PTPRC: variants seen among roughly 807,000 people sequenced by gnomAD.
PTPRC encodes the protein protein tyrosine phosphatase receptor type C.
A neutral mutation model predicts 155.9 loss-of-function variants in PTPRC; 44 were observed. The ratio of observed to expected loss-of-function variants is 0.28; its 90% CI spans 0.22 to 0.36. PTPRC has a LOEUF of 0.36. PTPRC is among the 10% of genes least tolerant of loss of function. PTPRC has a pLI of 1.00. For synonymous variants in PTPRC, 525 were observed against 533.1 expected, an observed-to-expected ratio of 0.98 and a Z score of 0.21; for missense variants, 1,401 against 1,564.6, an observed-to-expected ratio of 0.90 and a Z score of 1.76.
At chr1:198,722,150 T>G (rs959911871) in intron 14 of PTPRC, among the ~76,000 whole-genome samples, 8 of 150,794 alleles carry the variant, frequency 5.3e-5, no homozygotes, top group Non-Finnish European at 1.2e-4. Context: ...CCAGTTTCAT[T>G]ATTTTAAATA....
intron 4 of PTPRC, among the ~76,000 whole-genome samples, 171 bp from the exon 5 acceptor site, chr1:198,699,393 C>G (rs895166867): frequency 6.6e-6 from 1 of 152,230 alleles, no homozygotes; most frequent in South Asian, 2.1e-4. Context: ...ACTCAGGTGC[C>G]TGTCACTTTC....
At chr1:198,747,670 T>A (rs1212542294) in intron 26 of PTPRC, among the ~76,000 whole-genome samples, 3 of 151,850 alleles carry the variant, frequency 2.0e-5, no homozygotes, top group Admixed American at 2.0e-4. Flanking sequence ...AGGAAAGCAA[T>A]CTGGAAGGTG....
intron 23 of PTPRC, among the ~76,000 whole-genome samples, chr1:198,739,150 AAAAG>A (rs1459711653): frequency 6.6e-6 from 1 of 151,764 alleles, no homozygotes; most frequent in African/African-American, 2.4e-5. Flanking sequence ...AGACAGGAAG[AAAAG>A]AAAGAAGGAA....
intron 18 of PTPRC, among the ~76,000 whole-genome samples, chr1:198,732,002 T>C (rs1454412658): frequency 6.6e-6 from 1 of 152,020 alleles, no homozygotes; most frequent in African/African-American, 2.4e-5. Context: ...AGTTGTACTC[T>C]AGATACTCAT....
chr1:198,648,462 A>C (rs1316017020), intron 2 of PTPRC, among the ~76,000 whole-genome samples: 1 of 151,748 alleles, frequency 6.6e-6, no homozygotes, highest in Admixed American at 6.6e-5. Flanking sequence ...TCGGTTACTC[A>C]ATCTTCTTAG....
At chr1:198,706,697 C>A in intron 8 of PTPRC, 37 bp from the exon 9 acceptor site, 1 of 1,579,832 alleles carries the variant, frequency 6.3e-7, no homozygotes, top group Non-Finnish European at 8.7e-7. Context: ...TTTATTTATT[C>A]TGGAAAAATA....
Position 198,729,185 on chromosome 1 carries a change from T to C in PTPRC, c.1864+14T>C. ...TTGTTGAAAGGGGTAAGTATGTATATTTTTGCTGATGACTATTCCTTCCCC... is the reference window on the plus strand; with the variant it reads ...TTGTTGAAAGGGGTAAGTATGTATACTTTTGCTGATGACTATTCCTTCCCC... On this transcript the variant is annotated intron_variant, in intron 17 of 32. Coordinates refer to ENST00000442510, the MANE Select transcript of PTPRC (RefSeq NM_002838.5). 6.2e-7 allele frequency: 1 copy of C among 1,603,420 alleles called. No individual in the cohort carries two copies. The highest frequency in any genetic ancestry group is 8.5e-7 in the Non-Finnish European group (1 of 1,174,212).
chr1:198,668,546 T>C (rs1314593852), intron 2 of PTPRC, among the ~76,000 whole-genome samples: 1 of 152,196 alleles, frequency 6.6e-6, no homozygotes, highest in Non-Finnish European at 1.5e-5. Context: ...CATAACACTA[T>C]AAGGAATTAA....
chr1:198,720,196 G>C (rs1297771183), intron 14 of PTPRC, among the ~76,000 whole-genome samples: 1 of 152,146 alleles, frequency 6.6e-6, no homozygotes, highest in African/African-American at 2.4e-5. Flanking sequence ...AGATCATTCA[G>C]TGAGTAGAGA....
At chr1:198,654,474 A>G (rs1337738310) in intron 2 of PTPRC, among the ~76,000 whole-genome samples, 1 of 151,850 alleles carries the variant, frequency 6.6e-6, no homozygotes, top group South Asian at 2.1e-4. Context: ...TACACAGATT[A>G]CAAGTACTAG....
intron 14 of PTPRC, among the ~76,000 whole-genome samples, chr1:198,720,849 A>G (rs966007699): frequency 6.6e-6 from 1 of 152,152 alleles, no homozygotes; most frequent in Non-Finnish European, 1.5e-5. Context: ...ATCATTGTGT[A>G]TTATACTTCA....
chr1:198,718,356 T>A, intron 14 of PTPRC, 54 bp downstream of exon 14: 1 of 1,382,668 alleles, frequency 7.2e-7, no homozygotes, highest in Non-Finnish European at 1.0e-6. Context: ...TAATGATTGA[T>A]TCATAGTACT....
chr1:198,700,496 G>T (rs936749383), intron 5 of PTPRC, among the ~76,000 whole-genome samples: 1 of 152,192 alleles, frequency 6.6e-6, no homozygotes, highest in Admixed American at 6.5e-5. Flanking sequence ...TGTGCCCTTG[G>T]CATAAAAATC....
chr1:198,688,255 A>T (rs752097041), intron 2 of PTPRC, among the ~76,000 whole-genome samples: 2 of 152,202 alleles, frequency 1.3e-5, no homozygotes, highest in African/African-American at 2.4e-5. Flanking sequence ...TATTCAATTC[A>T]AGAGGCCTTT....
At chr1:198,716,237 G>A (rs1424713199) in intron 12 of PTPRC, among the ~76,000 whole-genome samples, 1 of 152,078 alleles carries the variant, frequency 6.6e-6, no homozygotes, top group Non-Finnish European at 1.5e-5. Flanking sequence ...ATGATCAAAT[G>A]GATTCTGCAT....
At position 198,639,272 on chromosome 1, in the gene PTPRC, A is replaced by T; in HGVS notation, c.4A>T (p.Thr2Ser). Residue 2 changes from threonine to serine, a missense_variant, in exon 2 of 33, where the codon ACC becomes TCC. Physicochemically the swap from Thr to Ser is moderately conservative, Grantham distance 58. Around this residue, in one of 3 missense-constraint regions of PTPRC, gnomAD observed 867 missense variants for 970.4 expected, o/e 0.89. Transcript: ENST00000442510. Reference sequence around the variant, plus strand: ...GGGACACGGCTGACTTCCAGATATGACCATGTATTTGTGGCTTAAACTCTT... The same window carrying T: ...GGGACACGGCTGACTTCCAGATATGTCCATGTATTTGTGGCTTAAACTCTT... The part of the protein sequence containing the change: M[T>S]MYLWLKLLAF... The T allele has an allele frequency of 6.2e-7, 1 of 1,613,318 alleles. No individual in the cohort carries two copies. The highest frequency in any genetic ancestry group is 8.5e-7 in the Non-Finnish European group (1 of 1,179,420).
chr1:198,716,605 T>C (rs549803657), intron 12 of PTPRC, 77 bp from the exon 13 acceptor site: 1 of 1,310,670 alleles, frequency 7.6e-7, no homozygotes, highest in East Asian at 2.3e-5. Flanking sequence ...CAATGTGATG[T>C]AGAGACCAAA....
intron 29 of PTPRC, 23 bp from the exon 30 acceptor site, chr1:198,752,226 T>C: frequency 6.2e-7 from 1 of 1,606,584 alleles, no homozygotes; most frequent in Non-Finnish European, 8.5e-7. Flanking sequence ...AAACAAATTG[T>C]TGAATTGTCT....
chr1:198,652,322 T>C, intron 2 of PTPRC, among the ~76,000 whole-genome samples: 1 of 151,540 alleles, frequency 6.6e-6, no homozygotes, highest in Admixed American at 6.6e-5. Flanking sequence ...GGGGAAGAGA[T>C]TGAGAGAAAT....
Sources: gnomAD v4.1 joint callset for allele counts (sites outside exome capture counted in the v4.1 genomes callset) on GRCh38, gnomAD v4.1.1 for gene constraint, gnomAD v4.1.1 regional missense constraint, MANE v1.5 for transcripts, NCBI Gene and HGNC (gene_info 2026-07-23, HGNC 2026-07-21) for gene names.